Variants in MIPEP observed in about 807,000 individuals in gnomAD.
The protein encoded by MIPEP is mitochondrial intermediate peptidase.
Under a neutral mutation model 90.3 loss-of-function variants are expected in MIPEP, and 79 were observed. The ratio of observed to expected loss-of-function variants is 0.87; its 90% CI spans 0.73 to 1.05. MIPEP has a LOEUF of 1.05. Among genes scored for constraint, MIPEP ranks in the 50% least tolerant of loss-of-function variants. The pLI, the probability that MIPEP is intolerant of heterozygous loss-of-function variation, is 0.00. For synonymous variants in MIPEP, 334 were observed against 315.8 expected, an observed-to-expected ratio of 1.06 and a Z score of -0.61; for missense variants, 940 against 905.6, an observed-to-expected ratio of 1.04 and a Z score of -0.49.
chr13:23,847,464 TA>T (rs60152921), intron 10 of MIPEP, among the ~76,000 whole-genome samples: 13,467 of 137,614 alleles, frequency 0.098, 2,111 homozygotes, highest in African/African-American at 0.33. Flanking sequence ...AAATCCAAGC[TA>T]AAAAAAAAAA....
intron 7 of MIPEP, among the ~76,000 whole-genome samples, chr13:23,864,971 T>C (rs919070952): frequency 2.6e-5 from 4 of 152,072 alleles, no homozygotes; most frequent in Admixed American, 1.3e-4. Context: ...AATTTTATTG[T>C]TATATACAAC....
At chr13:23,856,202 G>T (rs1276979575) in intron 10 of MIPEP, among the ~76,000 whole-genome samples, 11 of 152,232 alleles carry the variant, frequency 7.2e-5, no homozygotes, top group African/African-American at 2.7e-4. Context: ...GGCTAGTGCA[G>T]ACTCAGCAGC....
intron 5 of MIPEP, among the ~76,000 whole-genome samples, chr13:23,873,757 T>C (rs1566025202): frequency 6.6e-6 from 1 of 152,116 alleles, no homozygotes; most frequent in Non-Finnish European, 1.5e-5. Flanking sequence ...ACTCCCAAAT[T>C]TTATTTTACA....
At chr13:23,796,696 T>TA (rs1952966548) in intron 16 of MIPEP, among the ~76,000 whole-genome samples, 1 of 152,222 alleles carries the variant, frequency 6.6e-6, no homozygotes, top group African/African-American at 2.4e-5. Flanking sequence ...TCCACATGGT[T>TA]AAGAGGCATG....
intron 14 of MIPEP, among the ~76,000 whole-genome samples, chr13:23,812,493 A>AG (rs397730327): frequency 2.0e-5 from 3 of 150,024 alleles, no homozygotes; most frequent in African/African-American, 7.4e-5. Flanking sequence ...TAAAAAAAAA[A>AG]TTCTGAGCCC....
At position 23,874,714 on chromosome 13, in the gene MIPEP, A is replaced by G. The variant is rs1325125956; in HGVS notation, c.603+132T>C. 6 of 696,418 alleles carry G rather than the reference A, an allele frequency of 8.6e-6. No individual in the cohort carries two copies. In the South Asian group the frequency reaches 9.9e-5, roughly 11 times the overall value. 43.1% of individuals were successfully genotyped at this position (696,418 alleles called of 1,614,324 possible). A position where few individuals can be genotyped will look rare whatever the true frequency, so the allele number is the denominator to read the frequency against. On this transcript the variant is annotated intron_variant, in intron 5 of 18. Coordinates refer to ENST00000382172, the MANE Select transcript of MIPEP (RefSeq NM_005932.4). ...CAAATACAATCTAAAGAAGAATTTC[A>G]TAACAGATAAAAGACCTGCACGTTT... is the stretch of plus-strand genomic sequence containing the variant.
chr13:23,879,348 G>C lies in MIPEP; in HGVS notation c.459C>G (p.Asn153Lys), dbSNP rs1871193914. 1 of 1,522,550 alleles carries C rather than the reference G, an allele frequency of 6.6e-7. No individual in the cohort carries two copies. Among genetic ancestry groups the C allele is most frequent in the African/African-American group, 1.4e-5 (1 of 72,594 alleles). The allele number at this position is 1,522,550 out of a possible 1,614,324, so 94.3% of individuals were successfully genotyped here. ...AACTTTGATATAAATCCACATTTGT[G>C]TTCAACCTAGAAAAAATAGAAATTT... ...RSIGTMVEKL[N>K]TNVDLYQSLQ... The change falls in exon 4 of 19, where the codon AAC (asparagine) becomes AAG (lysine). Residue 153 changes from asparagine (N) to lysine (K), a missense_variant. Physicochemically the swap from Asn to Lys is moderately conservative, Grantham distance 94. Transcript: ENST00000382172.
At chr13:23,820,143 C>A (rs1187197073) in intron 14 of MIPEP, among the ~76,000 whole-genome samples, 1 of 152,166 alleles carries the variant, frequency 6.6e-6, no homozygotes, top group East Asian at 1.9e-4. Context: ...ACTCTTCGAG[C>A]ACTCTTAATT....
chr13:23,831,383 C>G lies in MIPEP; in HGVS notation c.1653+4857G>C, dbSNP rs146896643. On this transcript the variant is annotated intron_variant, in intron 14 of 18. Coordinates refer to ENST00000382172, the MANE Select transcript of MIPEP (RefSeq NM_005932.4). ...CGGGGACAGCCTAGCTTCCCCATGG[C>G]GGGGGGGGGATGTGGATGGGAATTG... 5.1e-3 allele frequency among the ~76,000 whole-genome samples: 209 copies of G among 40,916 alleles called. 14 individuals carry two copies. The Middle Eastern group carries it at 0.062, about 12-fold the overall frequency. 26.8% of individuals were successfully genotyped at this position (40,916 alleles called of 152,430 possible).
chr13:23,755,507 T>C (rs1277423335), intron 18 of MIPEP, among the ~76,000 whole-genome samples: 1 of 152,232 alleles, frequency 6.6e-6, no homozygotes, highest in Non-Finnish European at 1.5e-5. Context: ...ATGAAAACAC[T>C]TCTCCAATAT....
intron 16 of MIPEP, among the ~76,000 whole-genome samples, chr13:23,777,992 T>C (rs1952736482): frequency 6.6e-6 from 1 of 152,234 alleles, no homozygotes; most frequent in East Asian, 1.9e-4. Flanking sequence ...TAAACTATCA[T>C]TTGATTTATA....
At chr13:23,864,370 C>T (rs1005617408) in intron 7 of MIPEP, among the ~76,000 whole-genome samples, 181 bp from the exon 8 acceptor site, 1 of 152,052 alleles carries the variant, frequency 6.6e-6, no homozygotes, top group African/African-American at 2.4e-5. Context: ...TAGGTGATGA[C>T]GATCTTTTAA....
intron 16 of MIPEP, among the ~76,000 whole-genome samples, chr13:23,786,316 TA>T (rs1164363898): frequency 2.6e-5 from 4 of 152,040 alleles, no homozygotes; most frequent in African/African-American, 9.7e-5. Context: ...ATGTGAAAAA[TA>T]AAATCATAAA....
At chr13:23,827,119 C>G (rs1868491488) in intron 14 of MIPEP, among the ~76,000 whole-genome samples, 1 of 151,972 alleles carries the variant, frequency 6.6e-6, no homozygotes. Flanking sequence ...ATTTTGGTAG[C>G]CACGTTGGCG....
At chr13:23,770,019 T>C (rs191736339) in intron 16 of MIPEP, among the ~76,000 whole-genome samples, 26 of 152,294 alleles carry the variant, frequency 1.7e-4, no homozygotes, top group African/African-American at 5.5e-4. Flanking sequence ...TCTCACCAGA[T>C]GCAGATCCTC....
At chr13:23,788,864 C>G (rs1178292743) in intron 16 of MIPEP, among the ~76,000 whole-genome samples, 4 of 152,172 alleles carry the variant, frequency 2.6e-5, no homozygotes, top group Admixed American at 1.3e-4. Context: ...TCCTTTTAAA[C>G]AAATTTATCC....
chr13:23,885,212 G>A (rs1290329078), intron 2 of MIPEP, among the ~76,000 whole-genome samples: 1 of 152,186 alleles, frequency 6.6e-6, no homozygotes, highest in Non-Finnish European at 1.5e-5. Context: ...AACATCACAT[G>A]TTCTCACTCA....
chr13:23,791,331 T>G (rs1326512977), intron 16 of MIPEP, among the ~76,000 whole-genome samples: 5 of 152,152 alleles, frequency 3.3e-5, no homozygotes, highest in African/African-American at 1.2e-4. Context: ...GCCCTTAACG[T>G]GGCCTGCAAT....
intron 10 of MIPEP, among the ~76,000 whole-genome samples, chr13:23,843,996 C>T (rs1014808504): frequency 2.0e-5 from 3 of 151,972 alleles, no homozygotes; most frequent in African/African-American, 2.4e-5. Context: ...GGGTGAGGTG[C>T]AATGATGGGA....
Sources: allele counts gnomAD v4.1 joint callset (sites outside exome capture counted in the v4.1 genomes callset), GRCh38; gene constraint gnomAD v4.1.1; transcripts MANE v1.5; gene names NCBI Gene and HGNC (gene_info 2026-07-23, HGNC 2026-07-21).